CRAMP1: variants seen among roughly 807,000 people sequenced by gnomAD.
CRAMP1 encodes the protein cramped chromatin regulator 1, also known as protein cramped-like.
A neutral mutation model predicts 115.4 loss-of-function variants in CRAMP1; 50 were observed. The observed-to-expected ratio is 0.43, with a 90% CI of 0.35 to 0.55. CRAMP1 has a LOEUF of 0.55. CRAMP1 is among the 20% of genes least tolerant of loss of function. The pLI, the probability that CRAMP1 is intolerant of heterozygous loss-of-function variation, is 0.01. For missense variants in CRAMP1, 1,679 were observed against 1,721.7 expected (o/e 0.98, Z 0.44); for synonymous variants, 866 against 745.4 (o/e 1.16, Z -2.64).
At chr16:1,635,335 G>T (rs577756165) in intron 4 of CRAMP1, among the ~76,000 whole-genome samples, 2 of 152,330 alleles carry the variant, frequency 1.3e-5, no homozygotes, top group Admixed American at 6.5e-5. Context: ...GGGGCCTTGC[G>T]TGTGTGTTCG....
chr16:1,642,847 G>A (rs1460835467), intron 6 of CRAMP1, among the ~76,000 whole-genome samples: 1 of 152,252 alleles, frequency 6.6e-6, no homozygotes, highest in African/African-American at 2.4e-5. Context: ...TATGCTTGAG[G>A]ACGGTGCACA....
At chr16:1,625,246 G>T (rs924348701) in intron 2 of CRAMP1, among the ~76,000 whole-genome samples, 1 of 152,054 alleles carries the variant, frequency 6.6e-6, no homozygotes, top group Non-Finnish European at 1.5e-5. Context: ...CTCTGCCTCC[G>T]GTCTCGGAGG....
intron 2 of CRAMP1, among the ~76,000 whole-genome samples, chr16:1,617,104 A>C (rs930871399): frequency 6.6e-5 from 10 of 152,246 alleles, no homozygotes; most frequent in African/African-American, 2.4e-4. Context: ...GATTACAGGC[A>C]TGAGCCACCG....
intron 14 of CRAMP1, 116 bp downstream of exon 14, chr16:1,665,254 A>C (rs1596497836): frequency 2.7e-6 from 2 of 737,982 alleles, no homozygotes; most frequent in Admixed American, 4.1e-5. Context: ...TCCTTTGTCC[A>C]TTCTACCGAC....
At chr16:1,617,386 G>A (rs751698038) in intron 2 of CRAMP1, among the ~76,000 whole-genome samples, 9 of 152,188 alleles carry the variant, frequency 5.9e-5, no homozygotes, top group East Asian at 1.9e-4. Context: ...TCCATTACCC[G>A]TCAGAAAAGA....
intron 8 of CRAMP1, among the ~76,000 whole-genome samples, chr16:1,654,578 G>A (rs557218942): frequency 4.6e-5 from 7 of 152,274 alleles, no homozygotes; most frequent in South Asian, 2.1e-4. Flanking sequence ...TGTGGCCACC[G>A]TCTCTGTCCA....
chr16:1,673,316 G>A (rs1402224314), intron 20 of CRAMP1, among the ~76,000 whole-genome samples: 3 of 140,016 alleles, frequency 2.1e-5, no homozygotes, highest in Non-Finnish European at 4.5e-5. Context: ...TGACAGGAAC[G>A]TGTCCCCCAC....
At chr16:1,653,899 T>C (rs1299198820) in intron 8 of CRAMP1, among the ~76,000 whole-genome samples, 6 of 151,532 alleles carry the variant, frequency 4.0e-5, no homozygotes, top group Non-Finnish European at 7.4e-5. Context: ...CCCAGCACTT[T>C]GGGAGGCCAA....
chr16:1,655,433 A>T (rs79797437), intron 9 of CRAMP1, 133 bp downstream of exon 9: 47,251 of 748,782 alleles, frequency 0.063, 2,123 homozygotes, highest in East Asian at 0.16. Flanking sequence ...CATGGTGTAC[A>T]TCTGGAACCA....
chr16:1,652,348 C>T, intron 6 of CRAMP1, 148 bp from the exon 7 acceptor site: 3 of 628,874 alleles, frequency 4.8e-6, no homozygotes, highest in South Asian at 2.0e-5. Flanking sequence ...TCACTGTGTC[C>T]TCCCACTGTC....
chr16:1,638,939 C>T (rs548284442), intron 5 of CRAMP1, among the ~76,000 whole-genome samples: 15 of 152,138 alleles, frequency 9.9e-5, no homozygotes, highest in Non-Finnish European at 2.1e-4. Context: ...CCAGCCACTC[C>T]TCTTACCTCC....
intron 6 of CRAMP1, among the ~76,000 whole-genome samples, chr16:1,647,778 C>T (rs1040614390): frequency 1.4e-5 from 2 of 139,778 alleles, no homozygotes; most frequent in African/African-American, 5.2e-5. Context: ...AAAAAAGCTA[C>T]TCATGGAGGG....
chr16:1,652,659 G>T, intron 7 of CRAMP1, 78 bp downstream of exon 7: 1 of 1,302,572 alleles, frequency 7.7e-7, no homozygotes, highest in Non-Finnish European at 1.1e-6. Flanking sequence ...CTGAGCTACC[G>T]GGTTGCTGCC....
In CRAMP1 at chr16:1,638,214, A is replaced by G. The variant is rs1208829897; in HGVS notation, c.778+307A>G. 2.0e-5 allele frequency among the ~76,000 whole-genome samples: 3 copies of G among 152,200 alleles called. 1 individual carries two copies. The highest frequency in any genetic ancestry group is 4.1e-4 in the South Asian group (2 of 4,832). On this transcript the variant is annotated intron_variant, in intron 5 of 20. Coordinates refer to ENST00000397412, the MANE Select transcript of CRAMP1 (RefSeq NM_020825.4). ...CACAGCCCAGAATACCTCCACCGGC[A>G]TCACCTCAGAGAACATTTCTCCTAT... is the stretch of plus-strand genomic sequence containing the variant.
At chr16:1,661,912 C>T (rs2036833899) in intron 11 of CRAMP1, among the ~76,000 whole-genome samples, 1 of 152,202 alleles carries the variant, frequency 6.6e-6, no homozygotes, top group Non-Finnish European at 1.5e-5. Flanking sequence ...TGTTCTTTTA[C>T]CTCTGGGTCT....
At position 1,676,340 on chromosome 16, in the gene CRAMP1, C is replaced by G. The variant is rs1463605513; in HGVS notation, c.*2295C>G. On this transcript the variant is annotated 3_prime_UTR_variant, in exon 21 of 21. Coordinates refer to ENST00000397412, the MANE Select transcript of CRAMP1 (RefSeq NM_020825.4). The stretch of plus-strand genomic sequence containing the variant: ...TCCTGTAATAAAGCTGACAAGAGTT[C>G]TAGAGGATTCTGCTTCTCTAGTAAC... 1.3e-5 allele frequency: 2 copies of G among 152,288 alleles called. No individual in the cohort carries two copies. The highest frequency in any genetic ancestry group is 2.9e-5 in the Non-Finnish European group (2 of 68,054). The allele number at this position is 152,288 out of a possible 1,614,324, so 9.4% of individuals were successfully genotyped here.
intron 4 of CRAMP1, among the ~76,000 whole-genome samples, chr16:1,636,804 G>C (rs954413450): frequency 1.6e-4 from 24 of 152,244 alleles, no homozygotes; most frequent in African/African-American, 5.5e-4. Context: ...CAGGACCCAG[G>C]TGCCTCCCAT....
chr16:1,653,046 A>T lies in CRAMP1; in HGVS notation c.927A>T (p.Glu309Asp). ...TCTGCATTGCAGGCTTGAGTGATGA[A>T]GAGGACCAGAAGCCAGTGCGCCTGC... ...KLCDPDGLSD[E>D]EDQKPVRLPL... The change falls in exon 8 of 21, where the codon GAA (glutamate) becomes GAT (aspartate). Residue 309 changes from glutamate to aspartate, a missense_variant. By Grantham distance (45) the Glu-to-Asp change is conservative. Around this residue, in one of 8 missense-constraint regions of CRAMP1, gnomAD observed 191 missense variants for 236.2 expected, o/e 0.81. Transcript: ENST00000397412. 1 of 1,613,006 alleles carries T rather than the reference A, an allele frequency of 6.2e-7. No individual in the cohort carries two copies. Among genetic ancestry groups the T allele is most frequent in the Non-Finnish European group, 8.5e-7 (1 of 1,179,540 alleles).
intron 11 of CRAMP1, 44 bp downstream of exon 11, chr16:1,660,107 A>G: frequency 6.9e-7 from 1 of 1,453,536 alleles, no homozygotes; most frequent in Non-Finnish European, 9.1e-7. Context: ...GGCTGCCCTG[A>G]TGGCACCTCA....
Sources: allele counts gnomAD v4.1 joint callset (sites outside exome capture counted in the v4.1 genomes callset), GRCh38; gene constraint gnomAD v4.1.1; regional missense constraint gnomAD v4.1.1; transcripts MANE v1.5; gene names NCBI Gene and HGNC (gene_info 2026-07-23, HGNC 2026-07-21).